Variants in ACSL6 observed in about 807,000 individuals in gnomAD.
ACSL6 encodes long-chain-fatty-acid--CoA ligase 6.
ACSL6 carries 47 observed loss-of-function variants against 98.2 expected under a neutral mutation model. The ratio of observed to expected loss-of-function variants is 0.48; its 90% CI spans 0.38 to 0.61. The LOEUF (loss-of-function observed/expected upper bound fraction) is 0.61. Ranked by LOEUF, ACSL6 falls within the 20% of genes least tolerant of loss-of-function variation. ACSL6 has a pLI of 0.00. For synonymous variants in ACSL6, 362 were observed against 336.9 expected, an observed-to-expected ratio of 1.07 and a Z score of -0.82; for missense variants, 761 against 913.4, an observed-to-expected ratio of 0.83 and a Z score of 2.15.
chr5:131,962,974 T>A (rs545610881), intron 17 of ACSL6, among the ~76,000 whole-genome samples: 1 of 152,100 alleles, frequency 6.6e-6, no homozygotes, highest in Non-Finnish European at 1.5e-5. Flanking sequence ...TAGCAGCAGG[T>A]ATCCTCACCT....
chr5:131,987,357 A>C (rs1302346966), intron 7 of ACSL6, among the ~76,000 whole-genome samples: 1 of 152,248 alleles, frequency 6.6e-6, no homozygotes, highest in Non-Finnish European at 1.5e-5. Context: ...CTGGATGAGC[A>C]GTCAGTGCTA....
Position 131,959,551 on chromosome 5 carries a change from G to A in ACSL6, c.2016C>T (p.Leu672=). The A allele has an allele frequency of 6.2e-7, 1 of 1,614,146 alleles. No individual in the cohort carries two copies. Among genetic ancestry groups the A allele is most frequent in the Non-Finnish European group, 8.5e-7 (1 of 1,179,992 alleles). The change falls in exon 20 of 21, where the codon CTC becomes CTT. Residue 672 remains leucine (L), a synonymous_variant. Transcript: ENST00000651883. The part of the protein sequence containing the change: ...DMVRLGKESG[L]HSFEQVKAIH... ...TAACAGTTACCTGCTCAAAAGAATG[G>A]AGTCCACTTTCTTTTCCTAACCTCA...
intron 13 of ACSL6, 90 bp from the exon 14 acceptor site, chr5:131,971,735 A>G (rs1377973722): frequency 1.8e-6 from 2 of 1,106,856 alleles, no homozygotes; most frequent in Non-Finnish European, 2.6e-6. Context: ...ACATCCAACA[A>G]CTGGGTCCTA....
intron 9 of ACSL6, chr5:131,982,793 C>A (rs1377595166): frequency 6.6e-6 from 1 of 152,188 alleles, no homozygotes; most frequent in Non-Finnish European, 1.5e-5. Context: ...TCCTTTCTGT[C>A]CTGCTGTACT....
intron 1 of ACSL6, among the ~76,000 whole-genome samples, chr5:132,005,378 G>A (rs913078231): frequency 6.6e-6 from 1 of 152,188 alleles, no homozygotes; most frequent in Admixed American, 6.5e-5. Flanking sequence ...GCCTGGATGG[G>A]TCTCCACTGA....
intron 14 of ACSL6, 144 bp from the exon 15 acceptor site, chr5:131,970,344 G>A (rs1178955040): frequency 1.5e-6 from 1 of 667,988 alleles, no homozygotes; most frequent in East Asian, 2.7e-5. Flanking sequence ...TGCTCTGGAG[G>A]TAGATAACTC....
Position 131,994,133 on chromosome 5 carries a change from C to T in ACSL6, c.168G>A (p.Val56=). The T allele has an allele frequency of 6.2e-7, 1 of 1,614,236 alleles. No homozygotes were observed. Among genetic ancestry groups the T allele is most frequent in the Non-Finnish European group, 8.5e-7 (1 of 1,180,054 alleles). ...GGATGGCAGCCAGGGCACCCATACT[C>T]ACGAGGGTGGTGGCCGAGAGGCTGC... is the stretch of plus-strand genomic sequence containing the variant. ...FFRSLSATTL[V]SMGALAAILA... The change falls in exon 2 of 21, where the codon GTG becomes GTA. Residue 56 remains valine (V), a synonymous_variant. Transcript: ENST00000651883.
intron 6 of ACSL6, chr5:131,988,510 C>T (rs768529664): frequency 2.5e-6 from 4 of 1,604,524 alleles, no homozygotes; most frequent in African/African-American, 1.3e-5. Flanking sequence ...ATATTTACCA[C>T]CCCCTGCATC....
rs1752133020 is a variant in ACSL6 at position 131,951,035 on chromosome 5, A to G, written c.*3199T>C. The G allele has an allele frequency of 5.1e-6, 1 of 196,402 alleles. No individual in the cohort carries two copies. Among genetic ancestry groups the G allele is most frequent in the African/African-American group, 2.3e-5 (1 of 43,384 alleles). 12.2% of individuals were successfully genotyped at this position (196,402 alleles called of 1,614,324 possible). On this transcript the variant is annotated 3_prime_UTR_variant, in exon 21 of 21. Transcript: ENST00000651883. ...GTCTCTCATTTGCAAGGGAAGTCTC[A>G]ATATTATATAAAGACATCTTCCACA... is the stretch of plus-strand genomic sequence containing the variant.
chr5:132,011,824 G>C (rs548150839), upstream of ACSL6: 13 of 1,489,072 alleles, frequency 8.7e-6, no homozygotes, highest in Non-Finnish European at 9.8e-6. The surrounding 1 kb of genome is among the most constrained non-coding windows in gnomAD (Gnocchi z 5.4). Flanking sequence ...CACTGACCGC[G>C]GTGTCGGAAC....
chr5:131,962,531 T>C lies in ACSL6; in HGVS notation c.1857+4A>G. 1 of 1,610,438 alleles carries C rather than the reference T, an allele frequency of 6.2e-7. No homozygotes were observed. Among genetic ancestry groups the C allele is most frequent in the Non-Finnish European group, 8.5e-7 (1 of 1,177,680 alleles). ...GTGGGAGGGCTGAAGCCTAGAGGCC[T>C]CACCTTTAAGCTGTCCCCATGGACA... On this transcript the variant is annotated splice_donor_region_variant and intron_variant, in intron 18 of 20. Coordinates refer to ENST00000651883, the MANE Select transcript of ACSL6 (RefSeq NM_001009185.3).
At chr5:131,988,268 G>T (rs781471113) in intron 6 of ACSL6, 42 bp from the exon 7 acceptor site, 1 of 1,605,644 alleles carries the variant, frequency 6.2e-7, no homozygotes, top group South Asian at 1.1e-5. Context: ...TGTGGGCCCA[G>T]GTCATGAGTG....
At chr5:132,010,763 G>T (rs138334750) in intron 1 of ACSL6, among the ~76,000 whole-genome samples, 1 of 152,170 alleles carries the variant, frequency 6.6e-6, no homozygotes, top group African/African-American at 2.4e-5. Context: ...GGAAGTAGCC[G>T]GTGCAGGTGG....
At chr5:131,976,552 A>G (rs866739848) in intron 10 of ACSL6, 96 bp downstream of exon 10, 7 of 1,189,378 alleles carry the variant, frequency 5.9e-6, no homozygotes, top group South Asian at 1.4e-5. Context: ...AAGAAAAAAA[A>G]AAAAAGAAAA....
At position 131,988,292 on chromosome 5, in the gene ACSL6, C is replaced by T. The variant is rs997569835; in HGVS notation, c.653-66G>A. 48 of 1,565,166 alleles carry T rather than the reference C, an allele frequency of 3.1e-5. No individual in the cohort carries two copies. The Middle Eastern group carries it at 6.9e-4, about 22-fold the overall frequency. On this transcript the variant is annotated intron_variant, in intron 6 of 20. Coordinates refer to ENST00000651883, the MANE Select transcript of ACSL6 (RefSeq NM_001009185.3). ...AGGTCATGAGTGCAGGCAGCATGTGCCAGGCAGCACATGCCAGGCAGCACT... is the reference window on the plus strand; with the variant it reads ...AGGTCATGAGTGCAGGCAGCATGTGTCAGGCAGCACATGCCAGGCAGCACT...
At chr5:132,012,139 G>GC, upstream of ACSL6, 1 of 531,952 alleles carries the variant, frequency 1.9e-6, no homozygotes, top group Non-Finnish European at 3.0e-6. Context: ...TGACACCAAC[G>GC]CCCCCTAGGA....
Position 131,976,258 on chromosome 5 carries a change from T to G in ACSL6, c.990+390A>C, listed in dbSNP as rs3846724. 1.3e-3 allele frequency: 1,300 copies of G among 979,640 alleles called. 13 individuals are homozygous for G. In the African/African-American group the frequency reaches 0.021, roughly 16 times the overall value. The allele number at this position is 979,640 out of a possible 1,614,324, so 60.7% of individuals were successfully genotyped here. On this transcript the variant is annotated intron_variant, in intron 10 of 20. Transcript: ENST00000651883. Reference sequence around the variant, plus strand: ...TAGTAGTCCTTAAACACAAAATGACTGAATTAAACCCTGACCTTTGAAAAA... The same window carrying G: ...TAGTAGTCCTTAAACACAAAATGACGGAATTAAACCCTGACCTTTGAAAAA...
At chr5:131,989,034 G>A in intron 5 of ACSL6, 130 bp from the exon 6 acceptor site, 1 of 763,234 alleles carries the variant, frequency 1.3e-6, no homozygotes, top group Non-Finnish European at 2.2e-6. Context: ...GAGGTTAATG[G>A]GTTGTGTCTG....
At chr5:132,005,671 C>A (rs1035359613) in intron 1 of ACSL6, among the ~76,000 whole-genome samples, 1 of 152,234 alleles carries the variant, frequency 6.6e-6, no homozygotes, top group Non-Finnish European at 1.5e-5. Context: ...AAGGCTGGGA[C>A]AGGGGTGCGT....
Sources: allele counts gnomAD v4.1 joint callset (sites outside exome capture counted in the v4.1 genomes callset), GRCh38; gene constraint gnomAD v4.1.1; non-coding constraint Gnocchi (gnomAD v3.1); transcripts MANE v1.5; gene names NCBI Gene and HGNC (gene_info 2026-07-23, HGNC 2026-07-21).